NRDE2: variants seen among roughly 807,000 people sequenced by gnomAD.
The protein encoded by NRDE2 is NRDE-2, necessary for RNA interference, domain containing, also known as nuclear exosome regulator NRDE2.
A neutral mutation model predicts 124.2 loss-of-function variants in NRDE2; 76 were observed. The ratio of observed to expected loss-of-function variants is 0.61; its 90% confidence interval spans 0.51 to 0.74. The LOEUF is 0.74. Ranked by LOEUF, NRDE2 falls within the 30% of genes least tolerant of loss-of-function variation. The probability of loss-of-function intolerance (pLI) is 0.00; values close to 1 mark genes in which losing one functional copy is unlikely to be tolerated. For missense variants in NRDE2, 1,314 were observed against 1,417.3 expected (o/e 0.93, Z 1.17); for synonymous variants, 489 against 528.1 (o/e 0.93, Z 1.01).
intron 8 of NRDE2, among the ~76,000 whole-genome samples, 200 bp from the exon 9 acceptor site, chr14:90,293,072 GATCAA>G (rs1015002425): frequency 6.6e-6 from 1 of 152,116 alleles, no homozygotes; most frequent in African/African-American, 2.4e-5. Flanking sequence ...AAGACAAGGT[GATCAA>G]ATCAAATTAT....
At position 90,301,458 on chromosome 14, in the gene NRDE2, C is replaced by T. The variant is rs577966734; in HGVS notation, c.1412-86G>A. 55 of 1,246,156 alleles carry T rather than the reference C, an allele frequency of 4.4e-5. No homozygotes were observed. The East Asian group carries it at 1.3e-3, about 30-fold the overall frequency. 77.2% of individuals were successfully genotyped at this position (1,246,156 alleles called of 1,614,324 possible). A position where few individuals can be genotyped will look rare whatever the true frequency, so the allele number is the denominator to read the frequency against. On this transcript the variant is annotated intron_variant, in intron 6 of 13. Transcript: ENST00000354366. ...AACTTCTCAAAACAGGCAATTAACA[C>T]ATTGAGAACACCTTTCACCTGCAAT...
intron 1 of NRDE2, among the ~76,000 whole-genome samples, chr14:90,320,924 C>A (rs1294751540): frequency 3.3e-5 from 5 of 152,186 alleles, no homozygotes; most frequent in Admixed American, 3.3e-4. Flanking sequence ...GCTCATGCAA[C>A]CTTCTACTCT....
intron 9 of NRDE2, among the ~76,000 whole-genome samples, 156 bp downstream of exon 9, chr14:90,292,541 T>G (rs1367204244): frequency 1.3e-5 from 2 of 152,292 alleles, no homozygotes; most frequent in East Asian, 3.9e-4. Flanking sequence ...GAAGGAAGTT[T>G]CCACAGATGA....
chr14:90,324,839 A>G (rs960940553), intron 1 of NRDE2, among the ~76,000 whole-genome samples: 3 of 152,184 alleles, frequency 2.0e-5, no homozygotes, highest in Non-Finnish European at 2.9e-5. Context: ...CGTGCATTCA[A>G]TAAGTTAGTA....
chr14:90,288,587 C>G lies in NRDE2; in HGVS notation c.2788G>C (p.Val930Leu), dbSNP rs770150434. 6.2e-7 allele frequency: 1 copy of G among 1,614,220 alleles called. No individual in the cohort carries two copies. The highest frequency in any genetic ancestry group is 2.2e-5 in the East Asian group (1 of 44,886). ...IDAAVQIYEQVFAKLNSSVFP... is the reference protein window; with the variant it reads ...IDAAVQIYEQLFAKLNSSVFP... ...ACAGAACTGTTCAGTTTTGCAAACACCTGTTCGTATATCTGCACAGCAGCA... is the reference window on the plus strand; with the variant it reads ...ACAGAACTGTTCAGTTTTGCAAACAGCTGTTCGTATATCTGCACAGCAGCA... Residue 930 changes from valine to leucine, a missense_variant, in exon 11 of 14, where the codon GTG becomes CTG. By Grantham distance (32) the Val-to-Leu change is conservative. Coordinates refer to ENST00000354366, the MANE Select transcript of NRDE2 (RefSeq NM_017970.4).
intron 4 of NRDE2, among the ~76,000 whole-genome samples, chr14:90,311,312 G>C (rs920182663): frequency 6.6e-6 from 1 of 152,134 alleles, no homozygotes; most frequent in Non-Finnish European, 1.5e-5. Context: ...GTCTAAAGCA[G>C]GGGTATCAGA....
At position 90,293,009 on chromosome 14, in the gene NRDE2, T is replaced by C. The variant is rs113259317; in HGVS notation, c.1667-137A>G. On this transcript the variant is annotated intron_variant, in intron 8 of 13. Coordinates refer to ENST00000354366, the MANE Select transcript of NRDE2 (RefSeq NM_017970.4). ...GAGCCATGCCAGTCTCCCAGGATAC[T>C]CAGTGGCATTTAGGAACTCTTTGTA... 2.4e-5 allele frequency: 18 copies of C among 742,926 alleles called. No homozygotes were observed. In the African/African-American group the frequency reaches 3.0e-4, roughly 12 times the overall value. The allele number at this position is 742,926 out of a possible 1,614,324, so 46.0% of individuals were successfully genotyped here.
intron 1 of NRDE2, among the ~76,000 whole-genome samples, chr14:90,321,429 G>C (rs886581760): frequency 5.3e-5 from 8 of 150,530 alleles, no homozygotes; most frequent in African/African-American, 2.0e-4. Context: ...AATTCAGAAA[G>C]AAAGAAAACT....
At chr14:90,291,304 A>G (rs751700833) in intron 9 of NRDE2, among the ~76,000 whole-genome samples, 4 of 152,248 alleles carry the variant, frequency 2.6e-5, no homozygotes, top group Non-Finnish European at 5.9e-5. Context: ...AGCGGAAATC[A>G]TAACACAAGC....
chr14:90,307,373 A>G (rs943986), intron 4 of NRDE2, among the ~76,000 whole-genome samples: 144,908 of 152,268 alleles, frequency 0.95, 69,308 homozygotes, highest in East Asian at 1. Flanking sequence ...GACCTAGGCT[A>G]TAATTTAACA....
intron 1 of NRDE2, among the ~76,000 whole-genome samples, chr14:90,321,496 G>C (rs1885238364): frequency 6.7e-6 from 1 of 149,280 alleles, no homozygotes; most frequent in African/African-American, 2.5e-5. Context: ...AGGACCACTG[G>C]AGCCCAGGAG....
rs1467546441 is a variant in NRDE2 at position 90,290,418 on chromosome 14, T to G, written c.2032A>C (p.Thr678Pro). The G allele has an allele frequency of 6.2e-7, 1 of 1,613,898 alleles. No homozygotes were observed. Among genetic ancestry groups the G allele is most frequent in the Non-Finnish European group, 8.5e-7 (1 of 1,180,020 alleles). Reference sequence around the variant, plus strand: ...CCAGAAAACAAAGGGTTGAAAAAAGTCAAGGGCTTTTCATCATAAAGTCCA... The same window carrying G: ...CCAGAAAACAAAGGGTTGAAAAAAGGCAAGGGCTTTTCATCATAAAGTCCA... ...DNGLYDEKPL[T>P]FFNPLFSGAS... The change falls in exon 10 of 14, where the codon ACT becomes CCT. Residue 678 changes from threonine (T) to proline (P), a missense_variant. Thr to Pro is a conservative substitution (Grantham distance 38). Coordinates refer to ENST00000354366, the MANE Select transcript of NRDE2 (RefSeq NM_017970.4).
At position 90,279,038 on chromosome 14, in the gene NRDE2, G is replaced by A. The variant is rs1271267245; in HGVS notation, c.3369+24C>T. 3 of 1,562,792 alleles carry A rather than the reference G, an allele frequency of 1.9e-6. No homozygotes were observed. The African/African-American group carries it at 4.0e-5, about 21-fold the overall frequency. On this transcript the variant is annotated intron_variant, in intron 13 of 13. Transcript: ENST00000354366. ...GGCGGGAAGTTTTCGGGAAGCTGAA[G>A]ACACCATGGCCTTTAACACTTACCT...
rs1884260774 is a variant in NRDE2 at position 90,298,372 on chromosome 14, G to A, written c.1554C>T (p.Phe518=). Reference sequence around the variant, plus strand: ...CTCCACTGTCCCAAAAGGGTTCAAAGAATTCCACCTGTTCAGATTTTAGAA... The same window carrying A: ...CTCCACTGTCCCAAAAGGGTTCAAAAAATTCCACCTGTTCAGATTTTAGAA... The part of the protein sequence containing the change: ...KDLPTKGQVE[F]FEPFWDSGEP... The change falls in exon 8 of 14, where the codon TTC becomes TTT. Residue 518 remains phenylalanine, a synonymous_variant. Transcript: ENST00000354366. The A allele has an allele frequency of 3.7e-6, 6 of 1,613,630 alleles. No individual in the cohort carries two copies. Among genetic ancestry groups the A allele is most frequent in the Non-Finnish European group, 5.1e-6 (6 of 1,180,024 alleles).
At chr14:90,317,781 TG>T in intron 2 of NRDE2, 1 of 404,436 alleles carries the variant, frequency 2.5e-6, no homozygotes. Flanking sequence ...ATTTCCCTCT[TG>T]GCCTAATTAC....
In NRDE2 at chr14:90,288,542, C is replaced by A. The variant is rs143522507; in HGVS notation, c.2833G>T (p.Glu945Ter). The change falls in exon 11 of 14, where the codon GAG becomes TAG. Residue 945 changes from glutamate to a stop codon, truncating the protein, a stop_gained. Transcript: ENST00000354366. LOFTEE classifies it high-confidence loss of function. Reference sequence around the variant, plus strand: ...CTCTGGGAGCTGGCACTGTCCCCCTCGCCAGAGCCTTCTGGGAAAACAGAA... The same window carrying A: ...CTCTGGGAGCTGGCACTGTCCCCCTAGCCAGAGCCTTCTGGGAAAACAGAA... ...NSSVFPEGSG[E>*]GDSASSQSWT... 2.5e-6 allele frequency: 4 copies of A among 1,614,136 alleles called. No homozygotes were observed. In the Admixed American group the frequency reaches 5.0e-5, roughly 20 times the overall value.
Position 90,301,144 on chromosome 14 carries a change from C to T in NRDE2, c.1545+95G>A, listed in dbSNP as rs887303010. 7.1e-6 allele frequency: 9 copies of T among 1,258,770 alleles called. No individual in the cohort carries two copies. In the African/African-American group the frequency reaches 8.9e-5, roughly 12 times the overall value. 78.0% of individuals were successfully genotyped at this position (1,258,770 alleles called of 1,614,324 possible). A position where few individuals can be genotyped will look rare whatever the true frequency, so the allele number is the denominator to read the frequency against. On this transcript the variant is annotated intron_variant, in intron 7 of 13. Coordinates refer to ENST00000354366, the MANE Select transcript of NRDE2 (RefSeq NM_017970.4). ...TTAAAAACACTACCACACCACCTCT[C>T]ATTATCCACACCACCTCTCATTATC...
rs1024820014 is a variant in NRDE2, at chr14:90,290,386, G to A, written c.2064C>T (p.Ser688=). ...CCAACCTATCCATGCGGCCAACACA[G>A]CTAGCCCCAGAAAACAAAGGGTTGA... The part of the protein sequence containing the change: ...TFFNPLFSGA[S]CVGRMDRLGY... Residue 688 remains serine (S), a synonymous_variant, in exon 10 of 14, where the codon AGC becomes AGT. Coordinates refer to ENST00000354366, the MANE Select transcript of NRDE2 (RefSeq NM_017970.4). The A allele has an allele frequency of 6.2e-7, 1 of 1,614,106 alleles. No homozygotes were observed.
intron 3 of NRDE2, among the ~76,000 whole-genome samples, chr14:90,316,321 A>AT (rs1426664242): frequency 1.3e-5 from 2 of 152,210 alleles, no homozygotes; most frequent in African/African-American, 4.8e-5. Context: ...ACTGTGGCAC[A>AT]TCTGCCATCT....
Sources: gnomAD v4.1 joint callset for allele counts (sites outside exome capture counted in the v4.1 genomes callset) on GRCh38, gnomAD v4.1.1 for gene constraint, MANE v1.5 for transcripts, NCBI Gene and HGNC (gene_info 2026-07-23, HGNC 2026-07-21) for gene names.